The following ARMC2 variants were observed in gnomAD, a reference collection of about 807,000 sequenced individuals.
ARMC2 encodes the protein armadillo repeat-containing protein 2.
In ARMC2, 67 loss-of-function variants were observed where a neutral mutation model predicts 90.3. That is an observed-to-expected ratio of 0.74 (90% CI 0.61 to 0.91). The LOEUF is 0.91. Among genes scored for constraint, ARMC2 ranks in the 40% least tolerant of loss-of-function variants. The pLI is 0.00. For synonymous variants in ARMC2, 393 were observed against 393.0 expected (o/e 1.00, Z 0.00); for missense variants, 920 against 1,030.9 (o/e 0.89, Z 1.47).
intron 10 of ARMC2, among the ~76,000 whole-genome samples, chr6:108,916,789 G>A (rs1429737479): frequency 1.3e-5 from 2 of 152,130 alleles, no homozygotes; most frequent in Non-Finnish European, 2.9e-5. Flanking sequence ...CATGACACAG[G>A]AGCTGAAGGA....
chr6:108,862,909 A>G (rs1242027762), intron 3 of ARMC2, among the ~76,000 whole-genome samples: 4 of 152,178 alleles, frequency 2.6e-5, no homozygotes, highest in Non-Finnish European at 5.9e-5. Flanking sequence ...AGATTAGCTC[A>G]ATGCTGCTTT....
intron 11 of ARMC2, among the ~76,000 whole-genome samples, chr6:108,934,077 G>A (rs966789226): frequency 6.6e-6 from 1 of 152,090 alleles, no homozygotes; most frequent in African/African-American, 2.4e-5. Flanking sequence ...GTCCAGGCAG[G>A]TCTCAAACTC....
At chr6:108,899,839 A>G (rs9486974) in intron 7 of ARMC2, 47 bp downstream of exon 7, 2 of 1,296,484 alleles carry the variant, frequency 1.5e-6, no homozygotes, top group Non-Finnish European at 2.2e-6. Flanking sequence ...TTTTTTTTTT[A>G]AAAAATACCT....
chr6:108,850,189 T>G (rs1275799837), intron 1 of ARMC2, among the ~76,000 whole-genome samples: 1 of 152,214 alleles, frequency 6.6e-6, no homozygotes, highest in East Asian at 1.9e-4. Context: ...AAAAAAGTTC[T>G]TCACTTTCAA....
chr6:108,955,185 A>G (rs1269207426), intron 13 of ARMC2, among the ~76,000 whole-genome samples: 2 of 152,192 alleles, frequency 1.3e-5, no homozygotes, highest in Non-Finnish European at 2.9e-5. Context: ...GGATACCAAC[A>G]TTCAGTTTAG....
At chr6:108,909,190 C>T (rs1334656562) in intron 8 of ARMC2, among the ~76,000 whole-genome samples, 1 of 152,148 alleles carries the variant, frequency 6.6e-6, no homozygotes, top group African/African-American at 2.4e-5. Context: ...CCTACAAATA[C>T]ATTTTTACAC....
chr6:108,904,433 A>G (rs750192654), intron 8 of ARMC2, 28 bp downstream of exon 8: 1 of 1,545,004 alleles, frequency 6.5e-7, no homozygotes, highest in South Asian at 1.2e-5. Context: ...CTGGTCTAGT[A>G]GACTATATCA....
At chr6:108,930,911 T>C (rs1775510776) in intron 11 of ARMC2, among the ~76,000 whole-genome samples, 1 of 150,524 alleles carries the variant, frequency 6.6e-6, no homozygotes, top group African/African-American at 2.5e-5. Flanking sequence ...CCCTTTTTTT[T>C]TTTTTTAACT....
the ARMC2 span, among the ~76,000 whole-genome samples, chr6:109,049,036 CAAACACCTGTAG>C: frequency 6.6e-6 from 1 of 152,278 alleles, no homozygotes; most frequent in Admixed American, 6.5e-5. Flanking sequence ...TAGCTTTCAA[CAAACACCTGTAG>C]AACATGTGTA....
the ARMC2 span, among the ~76,000 whole-genome samples, chr6:109,031,350 C>A: frequency 5.9e-5 from 9 of 152,220 alleles, no homozygotes; most frequent in African/African-American, 1.7e-4. Context: ...AAGCTCAAGG[C>A]AAATTAAATA....
chr6:108,879,928 C>T (rs1297181214), intron 5 of ARMC2: 2 of 470,692 alleles, frequency 4.2e-6, no homozygotes, highest in East Asian at 6.9e-5. Context: ...CTCCTTCTAG[C>T]CCTCACTGTA....
intron 12 of ARMC2, among the ~76,000 whole-genome samples, chr6:108,940,318 T>C (rs1583176425): frequency 1.3e-5 from 2 of 152,068 alleles, no homozygotes; most frequent in South Asian, 2.1e-4. Flanking sequence ...GGAGGTTTAA[T>C]AGGCAAAAGA....
intron 12 of ARMC2, among the ~76,000 whole-genome samples, chr6:108,942,643 C>T (rs1034841428): frequency 4.6e-5 from 7 of 152,112 alleles, no homozygotes; most frequent in African/African-American, 1.4e-4. Context: ...CCCTGCAAGA[C>T]TAACTTGGGT....
intron 13 of ARMC2, 37 bp from the exon 14 acceptor site, chr6:108,961,535 G>A (rs755798329): frequency 2.6e-6 from 4 of 1,556,316 alleles, no homozygotes; most frequent in African/African-American, 2.7e-5. Flanking sequence ...TACTCCTGCA[G>A]TGGGTCTTTG....
intron 1 of ARMC2, among the ~76,000 whole-genome samples, chr6:108,852,684 A>G: frequency 6.6e-6 from 1 of 152,164 alleles, no homozygotes; most frequent in Non-Finnish European, 1.5e-5. Flanking sequence ...GATTTGCCAG[A>G]TTACTTTTGG....
the ARMC2 span, among the ~76,000 whole-genome samples, chr6:109,052,154 A>G: frequency 6.6e-6 from 1 of 152,220 alleles, no homozygotes; most frequent in South Asian, 2.1e-4. Context: ...AAATTCAACA[A>G]AGAAAGGAAT....
rs772701037 is a variant in ARMC2 at position 108,876,135 on chromosome 6, T to C, written c.464-8T>C. On this transcript the variant is annotated splice_polypyrimidine_tract_variant and splice_region_variant and intron_variant, in intron 4 of 17. Transcript: ENST00000392644. ...CTTCAACAAAATATTTTCTTGGTTATATTGCAGCAAAGAAGACAGTGGAAT... is the reference window on the plus strand; with the variant it reads ...CTTCAACAAAATATTTTCTTGGTTACATTGCAGCAAAGAAGACAGTGGAAT... 1.3e-6 allele frequency: 2 copies of C among 1,595,096 alleles called. No individual in the cohort carries two copies. The highest frequency in any genetic ancestry group is 1.7e-6 in the Non-Finnish European group (2 of 1,170,508).
At chr6:109,014,537 C>T in the ARMC2 span, among the ~76,000 whole-genome samples, 2 of 152,244 alleles carry the variant, frequency 1.3e-5, no homozygotes, top group Middle Eastern at 6.8e-3. Flanking sequence ...TGTGTATTCA[C>T]CTAAGTTCTT....
Position 108,973,842 on chromosome 6 carries a change from G to A in ARMC2, c.*328G>A. ...TTGATTTAACAATTTTGGAATTGAA[G>A]TGTTCATAAGTTAAATGAACTGTGC... On this transcript the variant is annotated 3_prime_UTR_variant, in exon 18 of 18. Transcript: ENST00000392644. The A allele has an allele frequency of 4.9e-6, 1 of 204,462 alleles. No homozygotes were observed. The highest frequency in any genetic ancestry group is 1.0e-4 in the South Asian group (1 of 9,952). 12.7% of individuals were successfully genotyped at this position (204,462 alleles called of 1,614,324 possible).
Sources: gnomAD v4.1 joint callset for allele counts (sites outside exome capture counted in the v4.1 genomes callset) on GRCh38, gnomAD v4.1.1 for gene constraint, MANE v1.5 for transcripts, NCBI Gene and HGNC (gene_info 2026-07-23, HGNC 2026-07-21) for gene names.